GABBR2: variants seen among roughly 807,000 people sequenced by gnomAD.
The protein encoded by GABBR2 is G-protein coupled receptor 51.
A neutral mutation model predicts 105.6 loss-of-function variants in GABBR2; 23 were observed. That is an observed-to-expected ratio of 0.22 (90% confidence interval 0.16 to 0.31). GABBR2 has a LOEUF of 0.31. Ranked by LOEUF, GABBR2 falls within the 10% of genes least tolerant of loss-of-function variation. GABBR2 has a pLI of 1.00. For synonymous variants in GABBR2, 478 were observed against 499.7 expected, an observed-to-expected ratio of 0.96 and a Z score of 0.58; for missense variants, 734 against 1,245.5, an observed-to-expected ratio of 0.59 and a Z score of 6.18.
rs762098632 is a variant in GABBR2 at position 98,406,144 on chromosome 9, A to AAAAAC, written c.1237-8_1237-4dup. 2.7e-5 allele frequency: 42 copies of AAAAAC among 1,565,084 alleles called. No homozygotes were observed. In the Admixed American group the frequency reaches 7.6e-4, roughly 28 times the overall value. On this transcript the variant is annotated splice_polypyrimidine_tract_variant and splice_region_variant and intron_variant, in intron 7 of 18. Transcript: ENST00000259455. ...CCATTCCGGAATACAACTTGACCCT[A>AAAAAC]AAAACAAAACAAAACAAATCAAACA...
chr9:98,439,045 G>C (rs1825983580), intron 7 of GABBR2, among the ~76,000 whole-genome samples: 1 of 151,986 alleles, frequency 6.6e-6, no homozygotes, highest in Non-Finnish European at 1.5e-5. Flanking sequence ...CCACCCTCAT[G>C]GTTTTCACAA....
intron 6 of GABBR2, among the ~76,000 whole-genome samples, chr9:98,472,639 C>T (rs777297705): frequency 4.6e-5 from 7 of 152,152 alleles, no homozygotes; most frequent in Admixed American, 6.5e-5. Context: ...TATATATCCA[C>T]ACAGATATAG....
chr9:98,485,547 C>T (rs1481535174), intron 4 of GABBR2, among the ~76,000 whole-genome samples: 1 of 152,082 alleles, frequency 6.6e-6, no homozygotes, highest in African/African-American at 2.4e-5. Flanking sequence ...CACGCACGCA[C>T]ATGACACTTA....
At chr9:98,521,190 C>G (rs1354833014) in intron 3 of GABBR2, among the ~76,000 whole-genome samples, 1 of 152,148 alleles carries the variant, frequency 6.6e-6, no homozygotes, top group Non-Finnish European at 1.5e-5. Context: ...CTGCTTCAGC[C>G]TTGGAAAATA....
intron 16 of GABBR2, among the ~76,000 whole-genome samples, chr9:98,301,790 T>C (rs73490782): frequency 0.079 from 11,973 of 152,234 alleles, 1,606 homozygotes; most frequent in African/African-American, 0.27. Flanking sequence ...AGGTCTGATA[T>C]TGAAACAGAG....
intron 2 of GABBR2, among the ~76,000 whole-genome samples, chr9:98,542,601 T>C (rs1828326660): frequency 6.6e-6 from 1 of 152,218 alleles, no homozygotes; most frequent in Non-Finnish European, 1.5e-5. Flanking sequence ...TTCCATAAGA[T>C]AGAGTCTGTG....
chr9:98,574,942 C>T (rs1318727196), intron 2 of GABBR2, among the ~76,000 whole-genome samples: 1 of 152,232 alleles, frequency 6.6e-6, no homozygotes, highest in East Asian at 1.9e-4. Context: ...TCCATCCCTT[C>T]CCACCTCCCT....
chr9:98,708,725 G>T lies in GABBR2; in HGVS notation c.13C>A (p.Arg5=). ...GGCGGCCCGGGCTGCCCGGAGCTCC[G>T]CGGGGAAGCCATGCCGCGCCGCGGG... The part of the protein sequence containing the change: MASP[R]SSGQPGPPPP... The change falls in exon 1 of 19, where the codon CGG becomes AGG. Residue 5 remains arginine (R), a synonymous_variant. Transcript: ENST00000259455. 1.0e-6 allele frequency: 1 copy of T among 989,580 alleles called. No homozygotes were observed. Among genetic ancestry groups the T allele is most frequent in the Non-Finnish European group, 1.2e-6 (1 of 834,692 alleles). The allele number at this position is 989,580 out of a possible 1,614,324, so 61.3% of individuals were successfully genotyped here.
At chr9:98,689,157 T>C (rs1830655247) in intron 1 of GABBR2, among the ~76,000 whole-genome samples, 2 of 152,180 alleles carry the variant, frequency 1.3e-5, no homozygotes, top group African/African-American at 4.8e-5. Flanking sequence ...AGATTATCTA[T>C]GGGAAGGCAG....
chr9:98,418,715 G>A (rs1222477672), intron 7 of GABBR2, among the ~76,000 whole-genome samples: 2 of 152,222 alleles, frequency 1.3e-5, no homozygotes, highest in African/African-American at 4.8e-5. Flanking sequence ...TTCTGGTTTG[G>A]GCAGACAGAT....
intron 13 of GABBR2, among the ~76,000 whole-genome samples, chr9:98,315,091 C>T (rs1468301849): frequency 6.6e-6 from 1 of 152,202 alleles, no homozygotes; most frequent in South Asian, 2.1e-4. Context: ...CTTTACCTTT[C>T]TCTTAGCTGC....
chr9:98,345,580 C>T (rs1831289582), intron 13 of GABBR2, among the ~76,000 whole-genome samples: 1 of 152,188 alleles, frequency 6.6e-6, no homozygotes, highest in South Asian at 2.1e-4. Flanking sequence ...TCCTATTCAA[C>T]ATTGTACTAG....
intron 7 of GABBR2, among the ~76,000 whole-genome samples, chr9:98,441,067 T>C (rs762006844): frequency 6.6e-6 from 1 of 152,342 alleles, no homozygotes; most frequent in Non-Finnish European, 1.5e-5. Flanking sequence ...CTATTTACTT[T>C]AAAATATTTG....
intron 9 of GABBR2, among the ~76,000 whole-genome samples, chr9:98,392,323 G>A (rs991079454): frequency 1.3e-5 from 2 of 152,108 alleles, no homozygotes; most frequent in African/African-American, 4.8e-5. Context: ...TCTTCAATTC[G>A]TAAACCCAGA....
At chr9:98,575,715 A>G (rs1828897339) in intron 2 of GABBR2, among the ~76,000 whole-genome samples, 1 of 152,150 alleles carries the variant, frequency 6.6e-6, no homozygotes, top group Admixed American at 6.5e-5. Context: ...CCAGGCTCCC[A>G]CGGCACACTG....
Position 98,492,349 on chromosome 9 carries a change from T to TAAAAAAAAAA in GABBR2, c.732+4054_732+4063dup, listed in dbSNP as rs574771107. On this transcript the variant is annotated intron_variant, in intron 4 of 18. Coordinates refer to ENST00000259455, the MANE Select transcript of GABBR2 (RefSeq NM_005458.8). The stretch of plus-strand genomic sequence containing the variant: ...GAGCCCGCTTAAGTTTGTTTCCTAG[T>TAAAAAAAAAA]AAAAAAAAAAAAAAAAAAAAAAAAA... Among the ~76,000 whole-genome samples the TAAAAAAAAAA allele has an allele frequency of 2.2e-3, 65 of 29,216 alleles. 15 individuals carry two copies. Among genetic ancestry groups the TAAAAAAAAAA allele is most frequent in the South Asian group, 0.01 (3 of 290 alleles). 19.2% of individuals were successfully genotyped at this position (29,216 alleles called of 152,430 possible).
intron 3 of GABBR2, among the ~76,000 whole-genome samples, chr9:98,531,295 C>T (rs55807407): frequency 0.097 from 14,733 of 152,094 alleles, 848 homozygotes; most frequent in African/African-American, 0.14. Context: ...ACTCTGAGGA[C>T]CTGGTGTGGA....
intron 3 of GABBR2, among the ~76,000 whole-genome samples, chr9:98,518,449 T>C (rs2779571): frequency 0.83 from 126,601 of 152,182 alleles, 53,151 homozygotes; most frequent in East Asian, 0.94. Flanking sequence ...CCCTTAAGTT[T>C]CGGACTTCAG....
chr9:98,332,904 C>T (rs962416401), intron 13 of GABBR2, among the ~76,000 whole-genome samples: 24 of 152,142 alleles, frequency 1.6e-4, no homozygotes, highest in Non-Finnish European at 2.6e-4. Flanking sequence ...AATATTAAAA[C>T]GCCACATGTG....
Sources: allele counts gnomAD v4.1 joint callset (sites outside exome capture counted in the v4.1 genomes callset), GRCh38; gene constraint gnomAD v4.1.1; transcripts MANE v1.5; gene names NCBI Gene and HGNC (gene_info 2026-07-23, HGNC 2026-07-21).